The following ITPR1 variants were observed in gnomAD, a reference collection of about 807,000 sequenced individuals.
ITPR1 encodes inositol 1,4,5-trisphosphate-gated calcium channel ITPR1.
A neutral mutation model predicts 318.4 loss-of-function variants in ITPR1; 96 were observed. The observed-to-expected ratio is 0.30, with a 90% confidence interval of 0.26 to 0.36. The LOEUF is 0.36. Ranked by LOEUF, ITPR1 falls within the 10% of genes least tolerant of loss-of-function variation. The pLI, the probability that ITPR1 is intolerant of heterozygous loss-of-function variation, is 1.00. For synonymous variants in ITPR1, 1,312 were observed against 1,289.9 expected, an observed-to-expected ratio of 1.02 and a Z score of -0.37; for missense variants, 2,440 against 3,460.2, an observed-to-expected ratio of 0.71 and a Z score of 7.40.
At chr3:4,831,125 T>TCACACACA (rs752873214) in intron 60 of ITPR1, 1,585 of 212,710 alleles carry the variant, frequency 7.5e-3, no homozygotes, top group Admixed American at 0.012. Context: ...TCTCTCTCTC[T>TCACACACA]CTCTCTCACA....
chr3:4,563,422 T>G (rs2086885799), intron 4 of ITPR1, among the ~76,000 whole-genome samples: 1 of 152,010 alleles, frequency 6.6e-6, no homozygotes, highest in Non-Finnish European at 1.5e-5. Flanking sequence ...GGTAGGAGGA[T>G]TTCTTGAGCC....
rs561470737 is a variant in ITPR1 at position 4,521,071 on chromosome 3, A to G, written c.140A>G (p.Asn47Ser). 52 of 1,613,584 alleles carry G rather than the reference A, an allele frequency of 3.2e-5. 2 individuals are homozygous for G. Among genetic ancestry groups the G allele is most frequent in the South Asian group, 3.2e-4 (29 of 91,050 alleles). The change falls in exon 4 of 62, where the codon AAC becomes AGC. Residue 47 changes from asparagine to serine, a missense_variant. By Grantham distance (46) the Asn-to-Ser change is conservative. Around this residue, in one of 23 missense-constraint regions of ITPR1, gnomAD observed 186 missense variants for 323.9 expected, o/e 0.57. Coordinates refer to ENST00000649015, the MANE Select transcript of ITPR1 (RefSeq NM_001378452.1). ...CVVQPETGDL[N>S]NPPKKFRDCL... Reference sequence around the variant, plus strand: ...GTACAGCCAGAAACCGGGGACCTTAACAATCCACCTAAGAAATTCAGAGGT... The same window carrying G: ...GTACAGCCAGAAACCGGGGACCTTAGCAATCCACCTAAGAAATTCAGAGGT...
At chr3:4,560,088 A>G (rs180949503) in intron 4 of ITPR1, among the ~76,000 whole-genome samples, 1 of 152,314 alleles carries the variant, frequency 6.6e-6, no homozygotes, top group South Asian at 2.1e-4. Flanking sequence ...GGCTCATAAG[A>G]TTAAATGGTT....
At position 4,552,536 on chromosome 3, in the gene ITPR1, T is replaced by C. The variant is rs981858292; in HGVS notation, c.163+31442T>C. On this transcript the variant is annotated intron_variant, in intron 4 of 61. Coordinates refer to ENST00000649015, the MANE Select transcript of ITPR1 (RefSeq NM_001378452.1). Reference sequence around the variant, plus strand: ...CTGGAAGGGTCTTGAGTGTAGGAGCTTCTGTTCCTATGGAGTTGGGGCCCA... The same window carrying C: ...CTGGAAGGGTCTTGAGTGTAGGAGCCTCTGTTCCTATGGAGTTGGGGCCCA... 2.6e-5 allele frequency among the ~76,000 whole-genome samples: 4 copies of C among 152,164 alleles called. No homozygotes were observed. In the South Asian group the frequency reaches 6.2e-4, roughly 24 times the overall value.
At chr3:4,523,496 T>C (rs1297991463) in intron 4 of ITPR1, among the ~76,000 whole-genome samples, 1 of 152,126 alleles carries the variant, frequency 6.6e-6, no homozygotes, top group Non-Finnish European at 1.5e-5. Flanking sequence ...GTATTGTTAT[T>C]TGCTGTAGTC....
chr3:4,533,800 G>A (rs542862052), intron 4 of ITPR1, among the ~76,000 whole-genome samples: 3 of 152,334 alleles, frequency 2.0e-5, no homozygotes, highest in East Asian at 3.9e-4. Flanking sequence ...CTCCTCGCAC[G>A]AGCCTTGATC....
At chr3:4,609,075 TATATATATATATATAC>T (rs2091916688) in intron 4 of ITPR1, among the ~76,000 whole-genome samples, 1 of 87,926 alleles carries the variant, frequency 1.1e-5, no homozygotes, top group African/African-American at 5.7e-5. Flanking sequence ...TATATATATA[TATATATATATATATAC>T]ACACACACGT....
At chr3:4,819,230 G>A (rs1048347705) in intron 60 of ITPR1, among the ~76,000 whole-genome samples, 3 of 152,336 alleles carry the variant, frequency 2.0e-5, no homozygotes, top group Middle Eastern at 6.8e-3. Context: ...CAGCGATTAC[G>A]TGGTTGTGTT....
rs2094626866 is a variant in ITPR1, at chr3:4,700,313, T to C, written c.4536+372T>C. 1.3e-5 allele frequency among the ~76,000 whole-genome samples: 2 copies of C among 152,228 alleles called. 1 individual carries two copies. The highest frequency in any genetic ancestry group is 1.3e-4 in the Admixed American group (2 of 15,282). ...GTAGCCTGTGCTATTTCTGTCAGACTATAAGCTACATGAAGACAAAGTTAT... is the reference window on the plus strand; with the variant it reads ...GTAGCCTGTGCTATTTCTGTCAGACCATAAGCTACATGAAGACAAAGTTAT... On this transcript the variant is annotated intron_variant, in intron 35 of 61. Coordinates refer to ENST00000649015, the MANE Select transcript of ITPR1 (RefSeq NM_001378452.1).
chr3:4,798,266 C>G (rs189340477), intron 53 of ITPR1, among the ~76,000 whole-genome samples: 3 of 152,192 alleles, frequency 2.0e-5, no homozygotes, highest in Non-Finnish European at 4.4e-5. Flanking sequence ...AATAAAAAAA[C>G]TATTCAATTA....
chr3:4,812,130 T>A (rs1027765083), intron 56 of ITPR1, among the ~76,000 whole-genome samples: 3 of 148,944 alleles, frequency 2.0e-5, no homozygotes, highest in Non-Finnish European at 4.4e-5. Context: ...ACCTCCAACC[T>A]CCCGAGCTCA....
chr3:4,513,314 C>T (rs569206423), intron 2 of ITPR1, among the ~76,000 whole-genome samples: 21 of 152,216 alleles, frequency 1.4e-4, no homozygotes, highest in African/African-American at 4.8e-4. Context: ...CCTCCTCCCC[C>T]CATCTCCTTC....
Position 4,663,212 on chromosome 3 carries a change from T to G in ITPR1, c.1554+6T>G, listed in dbSNP as rs371214686. The G allele has an allele frequency of 6.8e-5, 109 of 1,607,358 alleles. No individual in the cohort carries two copies. The highest frequency in any genetic ancestry group is 5.0e-4 in the Middle Eastern group (3 of 6,030). ...AACAGAATATTCTCAAGCAGGTCGG[T>G]GAGATGTGGCGTACTGGGGATTTGG... On this transcript the variant is annotated splice_donor_region_variant and intron_variant, in intron 16 of 61. Transcript: ENST00000649015.
At chr3:4,775,854 G>A (rs184654880) in intron 47 of ITPR1, among the ~76,000 whole-genome samples, 34 of 152,312 alleles carry the variant, frequency 2.2e-4, no homozygotes, top group Admixed American at 7.8e-4. Flanking sequence ...ATTACTACAC[G>A]TGAGACAGCT....
At position 4,674,243 on chromosome 3, in the gene ITPR1, G is replaced by T; in HGVS notation, c.2498G>T (p.Arg833Ile). 6.4e-7 allele frequency: 1 copy of T among 1,566,166 alleles called. No individual in the cohort carries two copies. Among genetic ancestry groups the T allele is most frequent in the Admixed American group, 1.9e-5 (1 of 52,308 alleles). Residue 833 changes from arginine (R) to isoleucine (I), a missense_variant, in exon 22 of 62, where the codon AGA becomes ATA. By Grantham distance (97) the Arg-to-Ile change is moderately conservative. Coordinates refer to ENST00000649015, the MANE Select transcript of ITPR1 (RefSeq NM_001378452.1). ...GCTTCCAAAGATGAAATTAAGGAGA[G>T]ATTTGCTCAGACCATGGAGTTTGTG... is the stretch of plus-strand genomic sequence containing the variant. ...SGASKDEIKE[R>I]FAQTMEFVEE... is the part of the protein sequence containing the mutation.
At chr3:4,711,578 T>G (rs1441573588) in intron 38 of ITPR1, 179 bp from the exon 39 acceptor site, 8 of 575,190 alleles carry the variant, frequency 1.4e-5, no homozygotes, top group Non-Finnish European at 2.5e-5. Context: ...GTGTCACTAT[T>G]GAGACACAGT....
intron 3 of ITPR1, among the ~76,000 whole-genome samples, chr3:4,516,800 T>C (rs2082206354): frequency 6.6e-6 from 1 of 152,236 alleles, no homozygotes; most frequent in South Asian, 2.1e-4. Context: ...ACCTCATTAT[T>C]TAGGACACTA....
chr3:4,563,200 G>C (rs1372416463), intron 4 of ITPR1, among the ~76,000 whole-genome samples: 2 of 152,150 alleles, frequency 1.3e-5, no homozygotes, highest in African/African-American at 4.8e-5. Context: ...ACACCTCAGG[G>C]AGTAGTCAAG....
At chr3:4,674,373 T>C (rs1008557150) in intron 22 of ITPR1, 30 bp downstream of exon 22, 7 of 1,577,118 alleles carry the variant, frequency 4.4e-6, no homozygotes, top group Non-Finnish European at 6.0e-6. Context: ...TCTATGTGTA[T>C]TATCTGCCTC....
Sources: allele counts gnomAD v4.1 joint callset (sites outside exome capture counted in the v4.1 genomes callset), GRCh38; gene constraint gnomAD v4.1.1; regional missense constraint gnomAD v4.1.1; transcripts MANE v1.5; gene names NCBI Gene and HGNC (gene_info 2026-07-23, HGNC 2026-07-21).